Variants in PDXDC1 observed in about 807,000 individuals in gnomAD.
PDXDC1 encodes the protein pyridoxal-dependent decarboxylase domain-containing protein 1.
Under a neutral mutation model 100.1 loss-of-function variants are expected in PDXDC1, and 42 were observed. The ratio of observed to expected loss-of-function variants is 0.42; its 90% confidence interval spans 0.33 to 0.54. The LOEUF is 0.54. Among genes scored for constraint, PDXDC1 ranks in the 20% least tolerant of loss-of-function variants. PDXDC1 has a pLI of 0.10. For missense variants in PDXDC1, 636 were observed against 979.2 expected, an observed-to-expected ratio of 0.65 and a Z score of 4.68; for synonymous variants, 260 against 371.7, an observed-to-expected ratio of 0.70 and a Z score of 3.46.
At chr16:14,990,142 G>A in intron 1 of PDXDC1, 1 of 1,435,754 alleles carries the variant, frequency 7.0e-7, no homozygotes, top group East Asian at 3.5e-5. Context: ...AGCCCCTTGA[G>A]CCCCTGCTGT....
At chr16:15,038,742 C>A, downstream of PDXDC1, 1 of 948,016 alleles carries the variant, frequency 1.1e-6, no homozygotes, top group Non-Finnish European at 1.7e-6. Context: ...ACTTTTCAAA[C>A]CCTCCCAGTA....
At chr16:14,994,892 C>A in intron 1 of PDXDC1, among the ~76,000 whole-genome samples, 1 of 152,406 alleles carries the variant, frequency 6.6e-6, no homozygotes, top group East Asian at 1.9e-4. Context: ...ATTTTATTCT[C>A]TTTGAAGCAA....
intron 16 of PDXDC1, among the ~76,000 whole-genome samples, chr16:15,052,134 G>C (rs1323920185): frequency 6.6e-6 from 1 of 152,092 alleles, no homozygotes; most frequent in African/African-American, 2.4e-5. Flanking sequence ...TAAATATTTG[G>C]GGTTCTACAA....
intron 16 of PDXDC1, among the ~76,000 whole-genome samples, chr16:15,078,302 CCT>C (rs1265027150): frequency 6.6e-6 from 1 of 152,110 alleles, no homozygotes; most frequent in Non-Finnish European, 1.5e-5. Flanking sequence ...GCTCCTCTCC[CCT>C]CAGTCCACAA....
chr16:15,142,968 C>T (rs1007324255), downstream of PDXDC1, among the ~76,000 whole-genome samples: 6 of 152,164 alleles, frequency 3.9e-5, no homozygotes, highest in East Asian at 1.9e-4. Context: ...CTCCTCACCC[C>T]AGTTCCTGCT....
intron 6 of PDXDC1, among the ~76,000 whole-genome samples, chr16:15,008,023 T>G (rs541102846): frequency 2.8e-4 from 43 of 152,380 alleles, no homozygotes; most frequent in African/African-American, 1.0e-3. Context: ...GGTGGATTGG[T>G]GGCTTATAGG....
chr16:14,997,561 G>T (rs1443752674), intron 1 of PDXDC1, among the ~76,000 whole-genome samples, 192 bp from the exon 2 acceptor site: 1 of 152,256 alleles, frequency 6.6e-6, no homozygotes, highest in Admixed American at 6.5e-5. Flanking sequence ...TAAAAACAGC[G>T]GCTTCCTCTA....
At chr16:15,127,905 G>C (rs2047831633) in intron 16 of PDXDC1, 1 of 1,455,044 alleles carries the variant, frequency 6.9e-7, no homozygotes, top group Non-Finnish European at 9.5e-7. Flanking sequence ...GACCTAGAAG[G>C]CAGGGAGGGC....
At chr16:15,086,183 G>C (rs551436669) in intron 16 of PDXDC1, 3 of 1,598,468 alleles carry the variant, frequency 1.9e-6, no homozygotes, top group East Asian at 2.3e-5. Flanking sequence ...AAAACAGTCT[G>C]TGCTGATACA....
intron 16 of PDXDC1, chr16:15,128,167 C>T: frequency 1.2e-6 from 2 of 1,610,480 alleles, no homozygotes; most frequent in South Asian, 1.1e-5. Flanking sequence ...GTCAGGCTCG[C>T]AGGGCGCCCC....
intron 7 of PDXDC1, among the ~76,000 whole-genome samples, chr16:15,009,124 T>G (rs2041043433): frequency 2.0e-5 from 3 of 152,288 alleles, no homozygotes; most frequent in Admixed American, 2.0e-4. Flanking sequence ...ACCAGAAATT[T>G]CTTCTGAAGC....
At chr16:15,008,974 T>C (rs1328184714) in intron 7 of PDXDC1, 127 bp downstream of exon 7, 1 of 938,402 alleles carries the variant, frequency 1.1e-6, no homozygotes, top group Non-Finnish European at 1.7e-6. Context: ...GATCCTTACA[T>C]TGTGTAATAT....
At chr16:15,038,880 G>A (rs893829522), downstream of PDXDC1, among the ~76,000 whole-genome samples, 45 of 152,174 alleles carry the variant, frequency 3.0e-4, no homozygotes, top group African/African-American at 8.9e-4. Flanking sequence ...TGTGGGGCAC[G>A]CACGACTGCT....
At position 15,135,235 on chromosome 16, in the gene PDXDC1, G is replaced by A. The variant is rs1405669139; in HGVS notation, c.1400-3644G>A. On this transcript the variant is annotated intron_variant, in intron 16 of 16. Transcript: ENST00000535621. ...CGGAAAACAGTAGATGAGCAGGGAGGTTGGGCTGTCCAAGGCAAGTGGCCG... is the reference window on the plus strand; with the variant it reads ...CGGAAAACAGTAGATGAGCAGGGAGATTGGGCTGTCCAAGGCAAGTGGCCG... 5.2e-5 allele frequency: 41 copies of A among 793,488 alleles called. No individual in the cohort carries two copies. In the Middle Eastern group the frequency reaches 1.4e-3, roughly 28 times the overall value. 49.2% of individuals were successfully genotyped at this position (793,488 alleles called of 1,614,324 possible).
At chr16:15,091,758 C>T (rs553953571) in intron 16 of PDXDC1, among the ~76,000 whole-genome samples, 2 of 152,292 alleles carry the variant, frequency 1.3e-5, no homozygotes, top group South Asian at 2.1e-4. Flanking sequence ...CATATGGTTA[C>T]TTAACATTTT....
chr16:14,986,804 T>C (rs1323922809), intron 1 of PDXDC1, among the ~76,000 whole-genome samples: 1 of 152,288 alleles, frequency 6.6e-6, no homozygotes, highest in African/African-American at 2.4e-5. Flanking sequence ...TAGAGTGCAG[T>C]GGCGCGTTCT....
At chr16:15,137,407 G>T (rs1010285727) in intron 16 of PDXDC1, 33 of 1,494,806 alleles carry the variant, frequency 2.2e-5, no homozygotes, top group Non-Finnish European at 2.7e-5. Context: ...AGAGGGCTGC[G>T]AGGCCCTGGC....
intron 16 of PDXDC1, among the ~76,000 whole-genome samples, chr16:15,124,758 C>A (rs1480374827): frequency 6.6e-6 from 1 of 150,424 alleles, no homozygotes; most frequent in Non-Finnish European, 1.5e-5. Flanking sequence ...GGCGACAGAG[C>A]GAGACTCTGT....
chr16:14,998,064 T>A (rs1269596207), intron 2 of PDXDC1, among the ~76,000 whole-genome samples: 1 of 152,300 alleles, frequency 6.6e-6, no homozygotes, highest in East Asian at 1.9e-4. Flanking sequence ...TTACTTAATA[T>A]ATTGATTTGA....
Sources: allele counts gnomAD v4.1 joint callset (sites outside exome capture counted in the v4.1 genomes callset), GRCh38; gene constraint gnomAD v4.1.1; transcripts MANE v1.5; gene names NCBI Gene and HGNC (gene_info 2026-07-23, HGNC 2026-07-21).